Variants in ASNS observed in about 807,000 individuals in gnomAD.
ASNS encodes asparagine synthetase (glutamine-hydrolyzing), also known as asparagine synthetase [glutamine-hydrolyzing].
A neutral mutation model predicts 62.6 loss-of-function variants in ASNS; 37 were observed. The ratio of observed to expected loss-of-function variants is 0.59; its 90% confidence interval spans 0.45 to 0.78. ASNS has a LOEUF of 0.78. Among genes scored for constraint, ASNS ranks in the 30% least tolerant of loss-of-function variants. The probability of loss-of-function intolerance (pLI) is 0.00; values close to 1 mark genes in which losing one functional copy is unlikely to be tolerated. For missense variants in ASNS, 520 were observed against 682.4 expected (o/e 0.76, Z 2.65); for synonymous variants, 207 against 237.9 (o/e 0.87, Z 1.19).
At chr7:97,918,074 G>A in the ASNS span, among the ~76,000 whole-genome samples, 1 of 152,192 alleles carries the variant, frequency 6.6e-6, no homozygotes, top group African/African-American at 2.4e-5. Context: ...TCAGAAGCCA[G>A]AGTCCCTGTT....
the ASNS span, among the ~76,000 whole-genome samples, chr7:97,922,363 CA>C: frequency 0.053 from 7,472 of 140,672 alleles, 436 homozygotes; most frequent in African/African-American, 0.15. Flanking sequence ...GAGATTGTCT[CA>C]AAAAAAAAAG....
At chr7:97,883,774 T>G in the ASNS span, among the ~76,000 whole-genome samples, 1 of 150,864 alleles carries the variant, frequency 6.6e-6, no homozygotes, top group African/African-American at 2.5e-5. Flanking sequence ...GATCATGACG[T>G]TAGGAGATCC....
the ASNS span, among the ~76,000 whole-genome samples, chr7:97,907,400 A>G: frequency 6.6e-6 from 1 of 152,222 alleles, no homozygotes; most frequent in Non-Finnish European, 1.5e-5. Flanking sequence ...AATATAGCAC[A>G]TGGCCTCTTC....
the ASNS span, among the ~76,000 whole-genome samples, chr7:97,914,617 A>G: frequency 2.6e-5 from 4 of 152,124 alleles, no homozygotes; most frequent in African/African-American, 9.7e-5. Flanking sequence ...GATCTTATCA[A>G]CTACTTGCAG....
chr7:97,896,735 C>CATATATATATATATAT, the ASNS span, among the ~76,000 whole-genome samples: 29 of 24,918 alleles, frequency 1.2e-3, no homozygotes, highest in South Asian at 1.8e-3. Context: ...CACACACACA[C>CATATATATATATATAT]ACACACATAT....
intron 8 of ASNS, 77 bp downstream of exon 8, chr7:97,856,613 G>T (rs1584461003): frequency 3.3e-5 from 43 of 1,284,604 alleles, no homozygotes; most frequent in Admixed American, 7.6e-5. Context: ...ACTATGGCTT[G>T]AAATAATTTT....
intron 7 of ASNS, among the ~76,000 whole-genome samples, chr7:97,857,467 A>C (rs1449040499): frequency 2.0e-5 from 3 of 152,114 alleles, no homozygotes; most frequent in Non-Finnish European, 2.9e-5. Flanking sequence ...TACCCTACTT[A>C]CTTTACATGA....
intron 3 of ASNS, among the ~76,000 whole-genome samples, chr7:97,866,588 G>A (rs1432516139): frequency 6.6e-6 from 1 of 152,110 alleles, no homozygotes; most frequent in Non-Finnish European, 1.5e-5. Context: ...CTTTGTACTC[G>A]GGTTTTTGGC....
At chr7:97,864,555 T>C in intron 3 of ASNS, 59 bp from the exon 4 acceptor site, 1 of 1,210,268 alleles carries the variant, frequency 8.3e-7, no homozygotes, top group Non-Finnish European at 1.2e-6. Context: ...CTAATAATTT[T>C]TTATTGCAAA....
chr7:97,871,282 A>G (rs1360775106), intron 1 of ASNS, among the ~76,000 whole-genome samples: 10 of 152,228 alleles, frequency 6.6e-5, no homozygotes, highest in Admixed American at 5.9e-4. Context: ...ACTAGCCAGC[A>G]CTTCAAGTGC....
upstream of ASNS, among the ~76,000 whole-genome samples, chr7:97,872,723 G>A (rs3757676): frequency 0.36 from 55,224 of 152,150 alleles, 10,382 homozygotes; most frequent in African/African-American, 0.46. Flanking sequence ...TTGTTGCACT[G>A]CCGTCTGATT....
chr7:97,887,367 G>T, the ASNS span, among the ~76,000 whole-genome samples: 1 of 152,170 alleles, frequency 6.6e-6, no homozygotes, highest in African/African-American at 2.4e-5. Flanking sequence ...TGGTTAGAGG[G>T]TTGCGATTGA....
chr7:97,906,723 G>C, the ASNS span: 5 of 152,854 alleles, frequency 3.3e-5, no homozygotes, highest in East Asian at 9.6e-4. Context: ...CACATAGAGA[G>C]AGACAGATTG....
chr7:97,906,826 A>G, the ASNS span: 2 of 152,048 alleles, frequency 1.3e-5, no homozygotes, highest in South Asian at 2.1e-4. Flanking sequence ...AGCCAATGAT[A>G]TAGTTCCAAC....
chr7:97,925,763 C>T, the ASNS span, among the ~76,000 whole-genome samples: 38 of 152,132 alleles, frequency 2.5e-4, no homozygotes, highest in African/African-American at 8.9e-4. Flanking sequence ...GAGTTATCAC[C>T]CTTGAATGCT....
chr7:97,918,893 A>G, the ASNS span, among the ~76,000 whole-genome samples: 1 of 152,160 alleles, frequency 6.6e-6, no homozygotes, highest in African/African-American at 2.4e-5. Context: ...ATGTATACCT[A>G]TGTAACAAAC....
At chr7:97,912,180 G>T in the ASNS span, among the ~76,000 whole-genome samples, 1 of 152,208 alleles carries the variant, frequency 6.6e-6, no homozygotes, top group Admixed American at 6.5e-5. Context: ...CTCCTAGCTT[G>T]TAACTGGCAA....
the ASNS span, among the ~76,000 whole-genome samples, chr7:97,923,805 G>A: frequency 5.3e-5 from 8 of 152,236 alleles, no homozygotes; most frequent in East Asian, 3.9e-4. Flanking sequence ...TGATAGGTCC[G>A]TCAGTCCTTT....
the ASNS span, among the ~76,000 whole-genome samples, chr7:97,907,638 G>A: frequency 4.5e-4 from 69 of 152,006 alleles, 1 homozygote; most frequent in East Asian, 1.9e-4. Flanking sequence ...GCATGGAGGC[G>A]GGCGCCTGTA....
Sources: allele counts gnomAD v4.1 joint callset (sites outside exome capture counted in the v4.1 genomes callset), GRCh38; gene constraint gnomAD v4.1.1; transcripts MANE v1.5; gene names NCBI Gene and HGNC (gene_info 2026-07-23, HGNC 2026-07-21).